CORO7: variants seen among roughly 807,000 people sequenced by gnomAD.
CORO7 encodes coronin 7, also known as coronin-7.
A neutral mutation model predicts 126.6 loss-of-function variants in CORO7; 107 were observed. The ratio of observed to expected loss-of-function variants is 0.85; its 90% CI spans 0.72 to 0.99. The LOEUF is 0.99. Ranked by LOEUF, CORO7 falls within the 50% of genes least tolerant of loss-of-function variation. The pLI is 0.00. For synonymous variants in CORO7, 603 were observed against 536.8 expected (o/e 1.12, Z -1.70); for missense variants, 1,314 against 1,255.8 (o/e 1.05, Z -0.70).
chr16:4,405,320 T>C (rs1447172728), intron 6 of CORO7, among the ~76,000 whole-genome samples, 171 bp downstream of exon 6: 1 of 152,166 alleles, frequency 6.6e-6, no homozygotes, highest in Non-Finnish European at 1.5e-5. Flanking sequence ...CTTCCAGATG[T>C]AGGTGAGCGG....
rs957875550 is a variant in CORO7, at chr16:4,355,290, T to C, written c.2768A>G (p.Glu923Gly). ...GTGAGGCCACTCACTACTCACCCAC[T>C]CGTCCTCGTCCACGCCTTCAAAGGA... ...QDSFEGVDED[E>G]WD is the part of the protein sequence containing the mutation. The change falls in exon 27 of 28, where the codon GAG (glutamate) becomes GGG (glycine). Residue 923 changes from glutamate (E) to glycine (G), a missense_variant. Glu to Gly is a moderately conservative substitution (Grantham distance 98). Coordinates refer to ENST00000251166, the MANE Select transcript of CORO7 (RefSeq NM_024535.5). 1.7e-5 allele frequency: 28 copies of C among 1,613,452 alleles called. No homozygotes were observed. Among genetic ancestry groups the C allele is most frequent in the Non-Finnish European group, 2.3e-5 (27 of 1,179,936 alleles).
intron 5 of CORO7, among the ~76,000 whole-genome samples, chr16:4,406,584 G>A (rs1481626215): frequency 6.6e-6 from 1 of 152,026 alleles, no homozygotes; most frequent in Admixed American, 6.6e-5. Flanking sequence ...ACAGGTGTGC[G>A]CCACGACGCC....
In CORO7 at chr16:4,402,375, C is replaced by G. The variant is rs545350810; in HGVS notation, c.564+3116G>C. Among the ~76,000 whole-genome samples the G allele has an allele frequency of 1.2e-3, 178 of 152,210 alleles. 1 individual carries two copies. The highest frequency in any genetic ancestry group is 2.0e-3 in the Non-Finnish European group (138 of 68,012). The stretch of plus-strand genomic sequence containing the variant: ...GGCTCAAGCAATCTTCCTGCCTCAG[C>G]CTGGGACCACAGGCGCGTGCCACCA... On this transcript the variant is annotated intron_variant, in intron 6 of 27. Transcript: ENST00000251166.
In CORO7 at chr16:4,362,811, C is replaced by T. The variant is rs774636273; in HGVS notation, c.1276-73G>A. 5.4e-5 allele frequency: 69 copies of T among 1,272,104 alleles called. 1 individual carries two copies. In the Admixed American group the frequency reaches 7.7e-4, roughly 14 times the overall value. 78.8% of individuals were successfully genotyped at this position (1,272,104 alleles called of 1,614,324 possible). A position where few individuals can be genotyped will look rare whatever the true frequency, so the allele number is the denominator to read the frequency against. On this transcript the variant is annotated intron_variant, in intron 14 of 27. Transcript: ENST00000251166. The surrounding 1 kb of genome is among the most constrained non-coding windows in gnomAD (Gnocchi z 5.3). ...CAAAAGGAGGGGGTGCCAGCGGACTCCAGGGTCACCACTCTGGGCCCCCTG... is the reference window on the plus strand; with the variant it reads ...CAAAAGGAGGGGGTGCCAGCGGACTTCAGGGTCACCACTCTGGGCCCCCTG...
intron 9 of CORO7, among the ~76,000 whole-genome samples, chr16:4,373,842 C>T (rs529541838): frequency 6.6e-6 from 1 of 152,142 alleles, no homozygotes; most frequent in African/African-American, 2.4e-5. Context: ...TGCCAGTGAG[C>T]AGAGGTGTGT....
chr16:4,382,546 C>G (rs1375036211), intron 9 of CORO7: 2 of 1,593,320 alleles, frequency 1.3e-6, no homozygotes, highest in Non-Finnish European at 1.7e-6. Flanking sequence ...CCATACACCC[C>G]CAGCCGTCCA....
intron 26 of CORO7, chr16:4,356,875 G>T: frequency 2.1e-6 from 1 of 467,742 alleles, no homozygotes; most frequent in South Asian, 2.2e-5. Context: ...TCTGCACATG[G>T]CCTCAAGTGC....
intron 3 of CORO7, among the ~76,000 whole-genome samples, chr16:4,410,724 G>A (rs1169021784): frequency 6.6e-6 from 1 of 152,196 alleles, no homozygotes; most frequent in Non-Finnish European, 1.5e-5. Flanking sequence ...CTCTATAGAG[G>A]AGAGGCCAGT....
chr16:4,378,816 A>G (rs572893571), intron 9 of CORO7, among the ~76,000 whole-genome samples: 1 of 151,852 alleles, frequency 6.6e-6, no homozygotes, highest in East Asian at 2.0e-4. Context: ...AGCAAGGGGG[A>G]CACCGCTAGG....
chr16:4,416,195 G>C (rs895483981), intron 1 of CORO7, among the ~76,000 whole-genome samples: 1 of 152,148 alleles, frequency 6.6e-6, no homozygotes, highest in Non-Finnish European at 1.5e-5. Context: ...GCCGCCTCGG[G>C]GGTCCCGGGG....
rs200550834 is a variant in CORO7, at chr16:4,359,545, C to T, written c.2185G>A (p.Val729Met). Residue 729 changes from valine (V) to methionine (M), a missense_variant, in exon 22 of 28, where the codon GTG becomes ATG. Physicochemically the swap from Val to Met is conservative, Grantham distance 21 (BLOSUM62 1). Coordinates refer to ENST00000251166, the MANE Select transcript of CORO7 (RefSeq NM_024535.5). ...GGPLAVLGLD[V>M]APSTLLPSYD... ...CTGGGCAGCAGGGTTGAGGGAGCCA[C>T]GTCCAGGCCCAACACTGCCAAGGGT... 453 of 1,613,262 alleles carry T rather than the reference C, an allele frequency of 2.8e-4. 1 individual carries two copies. The highest frequency in any genetic ancestry group is 7.4e-4 in the East Asian group (33 of 44,874).
At position 4,360,457 on chromosome 16, in the gene CORO7, G is replaced by C; in HGVS notation, c.2009C>G (p.Pro670Arg). The C allele has an allele frequency of 6.2e-7, 1 of 1,612,574 alleles. No homozygotes were observed. Among genetic ancestry groups the C allele is most frequent in the Non-Finnish European group, 8.5e-7 (1 of 1,179,750 alleles). ...CTGTGTGCTCACCTGCAGGGGCTCA[G>C]GGCCACTCCGGGGCCTGTAGACCCG... Reference protein sequence around the residue: ...RVRVYRPRSGPEPLQEGPGPK... With the variant: ...RVRVYRPRSGREPLQEGPGPK... Residue 670 changes from proline (P) to arginine (R), a missense_variant, in exon 20 of 28, where the codon CCT becomes CGT. Pro to Arg is a moderately radical substitution (Grantham distance 103, BLOSUM62 -2). Transcript: ENST00000251166.
intron 9 of CORO7, chr16:4,380,954 C>A: frequency 6.2e-7 from 1 of 1,601,004 alleles, no homozygotes; most frequent in Admixed American, 1.7e-5. Flanking sequence ...GGCTGCCCAT[C>A]CGGCTGCCAG....
chr16:4,403,073 T>TC (rs1359034189), intron 6 of CORO7, among the ~76,000 whole-genome samples: 1 of 151,270 alleles, frequency 6.6e-6, no homozygotes, highest in African/African-American at 2.4e-5. Flanking sequence ...CCCACCCCCA[T>TC]CCCCATCAGG....
At chr16:4,405,197 T>A (rs1393247463) in intron 6 of CORO7, among the ~76,000 whole-genome samples, 2 of 152,188 alleles carry the variant, frequency 1.3e-5, no homozygotes, top group African/African-American at 4.8e-5. Flanking sequence ...GGCTGGCGGT[T>A]CAGACAGACC....
chr16:4,396,322 GC>G (rs1002994050), intron 6 of CORO7, among the ~76,000 whole-genome samples: 2 of 152,066 alleles, frequency 1.3e-5, no homozygotes, highest in Admixed American at 1.3e-4. Context: ...CAGGTGATCC[GC>G]CCGCCTCGGC....
intron 5 of CORO7, among the ~76,000 whole-genome samples, chr16:4,406,089 T>C (rs2055987388): frequency 6.6e-6 from 1 of 152,200 alleles, no homozygotes; most frequent in Non-Finnish European, 1.5e-5. Flanking sequence ...AATCTCCGCC[T>C]CCTGGGTTCC....
chr16:4,399,777 G>A (rs1450110536), intron 6 of CORO7, among the ~76,000 whole-genome samples: 1 of 151,972 alleles, frequency 6.6e-6, no homozygotes, highest in Non-Finnish European at 1.5e-5. Context: ...AGTAGTCCCA[G>A]CTACTCAGGA....
At chr16:4,394,313 G>A (rs899642737) in intron 7 of CORO7, among the ~76,000 whole-genome samples, 5 of 152,096 alleles carry the variant, frequency 3.3e-5, no homozygotes, top group African/African-American at 4.8e-5. Flanking sequence ...GCCGGGCGTG[G>A]TGGCGGTCGC....
Sources: allele counts gnomAD v4.1 joint callset (sites outside exome capture counted in the v4.1 genomes callset), GRCh38; gene constraint gnomAD v4.1.1; non-coding constraint Gnocchi (gnomAD v3.1); transcripts MANE v1.5; gene names NCBI Gene and HGNC (gene_info 2026-07-23, HGNC 2026-07-21).